The following CNTNAP2 variants were observed in gnomAD, a reference collection of about 807,000 sequenced individuals.
The protein encoded by CNTNAP2 is contactin-associated protein-like 2.
In CNTNAP2, 98 loss-of-function variants were observed where a neutral mutation model predicts 155.2. The observed-to-expected ratio is 0.63, with a 90% CI of 0.54 to 0.75. CNTNAP2 has a LOEUF of 0.75. Ranked by LOEUF, CNTNAP2 falls within the 30% of genes least tolerant of loss-of-function variation. The pLI is 0.00. For synonymous variants in CNTNAP2, 651 were observed against 631.2 expected, an observed-to-expected ratio of 1.03 and a Z score of -0.47; for missense variants, 1,727 against 1,688.1, an observed-to-expected ratio of 1.02 and a Z score of -0.40.
At chr7:146,148,349 C>G (rs1261535336) in intron 1 of CNTNAP2, among the ~76,000 whole-genome samples, 2 of 152,090 alleles carry the variant, frequency 1.3e-5, no homozygotes, top group East Asian at 3.9e-4. Flanking sequence ...ACTGAAAACT[C>G]TTCATTACTC....
At chr7:147,767,367 G>T (rs999666722) in intron 13 of CNTNAP2, among the ~76,000 whole-genome samples, 1 of 151,958 alleles carries the variant, frequency 6.6e-6, no homozygotes, top group Admixed American at 6.6e-5. Flanking sequence ...TTGACTCCAG[G>T]ACAATTAGAA....
At chr7:146,572,696 G>C (rs1798461251) in intron 1 of CNTNAP2, among the ~76,000 whole-genome samples, 1 of 152,110 alleles carries the variant, frequency 6.6e-6, no homozygotes, top group South Asian at 2.1e-4. Flanking sequence ...CACTATGTTA[G>C]ATAAAACAGT....
chr7:147,592,720 CA>C (rs1269479250), intron 12 of CNTNAP2, among the ~76,000 whole-genome samples: 1 of 151,900 alleles, frequency 6.6e-6, no homozygotes, highest in African/African-American at 2.4e-5. Flanking sequence ...ACGACAAGAA[CA>C]AAAAAATGCA....
intron 1 of CNTNAP2, among the ~76,000 whole-genome samples, chr7:146,662,683 A>AT (rs35448273): frequency 1.3e-5 from 2 of 151,738 alleles, no homozygotes; most frequent in Non-Finnish European, 1.5e-5. Context: ...TTTGTGTAAA[A>AT]GATGTCACAA....
At chr7:148,014,038 G>A (rs1055016743) in intron 15 of CNTNAP2, 1 of 151,966 alleles carries the variant, frequency 6.6e-6, no homozygotes, top group Admixed American at 6.6e-5. Context: ...CCAATGTTGA[G>A]TTCTCCACAC....
chr7:146,357,029 G>A (rs561045721), intron 1 of CNTNAP2, among the ~76,000 whole-genome samples: 1 of 152,250 alleles, frequency 6.6e-6, no homozygotes, highest in South Asian at 2.1e-4. Flanking sequence ...AATGACTGAA[G>A]TTATTATAAC....
At chr7:148,392,433 T>A (rs913854160) in intron 22 of CNTNAP2, among the ~76,000 whole-genome samples, 2 of 152,200 alleles carry the variant, frequency 1.3e-5, no homozygotes, top group Non-Finnish European at 2.9e-5. Context: ...AAAGTTTGCA[T>A]GGTATGTGAT....
intron 9 of CNTNAP2, among the ~76,000 whole-genome samples, chr7:147,394,448 T>C (rs1378656191): frequency 6.6e-6 from 1 of 151,988 alleles, no homozygotes; most frequent in East Asian, 1.9e-4. Flanking sequence ...AAATTGTTTG[T>C]TGTTACAGAT....
intron 9 of CNTNAP2, among the ~76,000 whole-genome samples, chr7:147,348,194 C>A (rs1474002237): frequency 1.3e-5 from 2 of 151,796 alleles, no homozygotes; most frequent in Non-Finnish European, 2.9e-5. Flanking sequence ...ATCTTCTGCA[C>A]AACAAAGGAC....
intron 11 of CNTNAP2, among the ~76,000 whole-genome samples, chr7:147,495,807 T>A (rs1274464081): frequency 6.6e-6 from 1 of 152,072 alleles, no homozygotes; most frequent in Admixed American, 6.5e-5. Context: ...ATCCCCACAA[T>A]ACCAGTTTGT....
At chr7:147,705,519 T>C (rs1796296895) in intron 13 of CNTNAP2, among the ~76,000 whole-genome samples, 1 of 152,168 alleles carries the variant, frequency 6.6e-6, no homozygotes, top group Admixed American at 6.5e-5. Context: ...AGAAGGTGCA[T>C]TCTGTAGCTG....
intron 11 of CNTNAP2, among the ~76,000 whole-genome samples, chr7:147,509,294 G>T (rs1480652381): frequency 6.6e-6 from 1 of 152,150 alleles, no homozygotes; most frequent in Admixed American, 6.5e-5. Context: ...AGAGTTGTGG[G>T]ATATTTGCTT....
intron 3 of CNTNAP2, among the ~76,000 whole-genome samples, chr7:146,983,182 T>C (rs541016830): frequency 2.1e-4 from 32 of 152,234 alleles, no homozygotes; most frequent in African/African-American, 7.7e-4. Context: ...GAACAAAAGC[T>C]CCTAAAAATG....
At chr7:147,730,032 T>G (rs2116464282) in intron 13 of CNTNAP2, among the ~76,000 whole-genome samples, 1 of 152,276 alleles carries the variant, frequency 6.6e-6, no homozygotes, top group Middle Eastern at 3.4e-3. Flanking sequence ...AATTAATATC[T>G]ATGGCTATGA....
intron 1 of CNTNAP2, among the ~76,000 whole-genome samples, chr7:146,284,842 C>T (rs1800302055): frequency 6.6e-6 from 1 of 152,294 alleles, no homozygotes; most frequent in Middle Eastern, 3.4e-3. Context: ...ATCAGGGACT[C>T]ATTTGTGCCA....
At chr7:146,175,145 G>A (rs908200028) in intron 1 of CNTNAP2, among the ~76,000 whole-genome samples, 1 of 152,144 alleles carries the variant, frequency 6.6e-6, no homozygotes, top group Non-Finnish European at 1.5e-5. Context: ...GAAATGGGTA[G>A]ATCATCTGGT....
At chr7:147,778,734 A>G (rs1471992387) in intron 13 of CNTNAP2, among the ~76,000 whole-genome samples, 1 of 152,158 alleles carries the variant, frequency 6.6e-6, no homozygotes, top group Non-Finnish European at 1.5e-5. Context: ...GCTGGTCTTG[A>G]ACTCCTGACC....
intron 8 of CNTNAP2, among the ~76,000 whole-genome samples, chr7:147,205,070 A>G (rs1802994621): frequency 6.6e-6 from 1 of 152,076 alleles, no homozygotes; most frequent in South Asian, 2.1e-4. Context: ...AATTCAGGTA[A>G]TGTGATGCCT....
intron 1 of CNTNAP2, among the ~76,000 whole-genome samples, chr7:146,179,884 C>T (rs768629845): frequency 3.9e-5 from 6 of 152,070 alleles, no homozygotes; most frequent in South Asian, 2.1e-4. Context: ...TTTATGGCAA[C>T]GGCTTGTTGG....
Sources: gnomAD v4.1 joint callset for allele counts (sites outside exome capture counted in the v4.1 genomes callset) on GRCh38, gnomAD v4.1.1 for gene constraint, MANE v1.5 for transcripts, NCBI Gene and HGNC (gene_info 2026-07-23, HGNC 2026-07-21) for gene names.